Variants in PBX3 observed in about 807,000 individuals in gnomAD.
PBX3 encodes PBX homeobox 3.
PBX3 carries 14 observed loss-of-function variants against 48.5 expected under a neutral mutation model. The observed-to-expected ratio is 0.29, with a 90% CI of 0.19 to 0.45. The LOEUF (loss-of-function observed/expected upper bound fraction) is 0.45, where lower values mean the gene tolerates loss of function less well. PBX3 is among the 20% of genes least tolerant of loss of function. The probability of loss-of-function intolerance (pLI) is 1.00; values close to 1 mark genes in which losing one functional copy is unlikely to be tolerated. For missense variants in PBX3, 386 were observed against 546.7 expected, an observed-to-expected ratio of 0.71 and a Z score of 2.93; for synonymous variants, 210 against 200.3, an observed-to-expected ratio of 1.05 and a Z score of -0.41.
chr9:125,935,797 C>T (rs938773316), intron 5 of PBX3, among the ~76,000 whole-genome samples, 190 bp downstream of exon 5: 2 of 152,102 alleles, frequency 1.3e-5, no homozygotes, highest in African/African-American at 2.4e-5. Flanking sequence ...CTGTAAGTGG[C>T]GAAGAATCAA....
At position 125,789,746 on chromosome 9, in the gene PBX3, A is replaced by G. The variant is rs138343800; in HGVS notation, c.274+41123A>G. 1.4e-3 allele frequency among the ~76,000 whole-genome samples: 215 copies of G among 152,248 alleles called. 2 individuals are homozygous for G. The highest frequency in any genetic ancestry group is 4.7e-3 in the African/African-American group (194 of 41,538). On this transcript the variant is annotated intron_variant, in intron 2 of 8. Coordinates refer to ENST00000373489, the MANE Select transcript of PBX3 (RefSeq NM_006195.6). ...ATTGGAGCCTTCTTAGAGGCTGCCT[A>G]CCACTCTGGGTGAAAGGGTATACAT...
In PBX3 at chr9:125,848,729, G is replaced by A. The variant is rs1224817774; in HGVS notation, c.275-66957G>A. Among the ~76,000 whole-genome samples, 3 of 151,918 alleles carry A rather than the reference G, an allele frequency of 2.0e-5. No homozygotes were observed. In the East Asian group the frequency reaches 5.8e-4, roughly 29 times the overall value. On this transcript the variant is annotated intron_variant, in intron 2 of 8. Transcript: ENST00000373489. ...ATATTTTCTGGGTATTGTTCTAGAC[G>A]GTAGAGATACAGTATTGAATAAAAG...
chr9:125,764,991 A>G (rs997337935), intron 2 of PBX3, among the ~76,000 whole-genome samples: 2 of 152,158 alleles, frequency 1.3e-5, no homozygotes, highest in Non-Finnish European at 2.9e-5. Context: ...AATCCAATCA[A>G]TAAAATTAAA....
At chr9:125,884,231 G>A (rs1183735495) in intron 2 of PBX3, among the ~76,000 whole-genome samples, 1 of 152,194 alleles carries the variant, frequency 6.6e-6, no homozygotes, top group Non-Finnish European at 1.5e-5. Flanking sequence ...GGTAGGACAA[G>A]AGTGCTCTGC....
chr9:125,815,051 G>A (rs1397721615), intron 2 of PBX3, among the ~76,000 whole-genome samples: 1 of 152,030 alleles, frequency 6.6e-6, no homozygotes, highest in Non-Finnish European at 1.5e-5. Flanking sequence ...TTACTTGTAT[G>A]CTTAGGAAGA....
chr9:125,788,441 C>T (rs937048989), intron 2 of PBX3, among the ~76,000 whole-genome samples: 8 of 152,182 alleles, frequency 5.3e-5, no homozygotes, highest in Non-Finnish European at 8.8e-5. Flanking sequence ...CTTCTACTTA[C>T]ATTTATCTAT....
intron 8 of PBX3, 150 bp from the exon 9 acceptor site, chr9:125,965,681 A>T: frequency 1.5e-6 from 1 of 654,814 alleles, no homozygotes; most frequent in Non-Finnish European, 2.8e-6. Flanking sequence ...ATCCCACTTT[A>T]ACACATGCTG....
chr9:125,809,038 G>A (rs1249745533), intron 2 of PBX3, among the ~76,000 whole-genome samples: 1 of 152,068 alleles, frequency 6.6e-6, no homozygotes, highest in African/African-American at 2.4e-5. Context: ...CTGTTCTTGA[G>A]TGCCATTTTA....
At chr9:125,780,029 C>A (rs1283874406) in intron 2 of PBX3, among the ~76,000 whole-genome samples, 2 of 141,160 alleles carry the variant, frequency 1.4e-5, no homozygotes, top group Admixed American at 6.9e-5. Context: ...AGGCGCCCCT[C>A]ACCTCCCGGA....
intron 5 of PBX3, among the ~76,000 whole-genome samples, chr9:125,952,991 T>TA (rs538418159): frequency 6.7e-4 from 95 of 142,054 alleles, no homozygotes; most frequent in African/African-American, 1.6e-3. Context: ...TTTACCAAAA[T>TA]AAAAAAAAAA....
At chr9:125,835,330 C>A (rs1284012908) in intron 2 of PBX3, among the ~76,000 whole-genome samples, 1 of 152,092 alleles carries the variant, frequency 6.6e-6, no homozygotes, top group African/African-American at 2.4e-5. Context: ...GGATGCACAG[C>A]TCCAAGTGAG....
intron 5 of PBX3, among the ~76,000 whole-genome samples, chr9:125,959,486 G>GCTCTCTGC (rs1396555484): frequency 6.6e-6 from 1 of 152,242 alleles, no homozygotes; most frequent in Non-Finnish European, 1.5e-5. Context: ...CCTTGCCAGG[G>GCTCTCTGC]CTCTCTGCTC....
chr9:125,964,996 G>T (rs968368788), intron 8 of PBX3, among the ~76,000 whole-genome samples: 1 of 152,214 alleles, frequency 6.6e-6, no homozygotes, highest in African/African-American at 2.4e-5. Context: ...TCTCCAGAAA[G>T]GCCTGCCCCA....
chr9:125,866,636 G>A (rs188809638), intron 2 of PBX3, among the ~76,000 whole-genome samples: 17 of 152,280 alleles, frequency 1.1e-4, no homozygotes, highest in African/African-American at 2.4e-4. Flanking sequence ...GTATGTGTCC[G>A]GGGAGGTTTA....
intron 5 of PBX3, among the ~76,000 whole-genome samples, chr9:125,959,268 C>T (rs1842374919): frequency 6.6e-6 from 1 of 152,236 alleles, no homozygotes; most frequent in Non-Finnish European, 1.5e-5. Flanking sequence ...AGAACAGAAA[C>T]AGCTAGGAAG....
chr9:125,956,906 C>G (rs889533717), intron 5 of PBX3, among the ~76,000 whole-genome samples: 8 of 152,194 alleles, frequency 5.3e-5, no homozygotes, highest in African/African-American at 1.9e-4. Flanking sequence ...GCAGCCTGGC[C>G]CCACTGTGAG....
chr9:125,863,925 C>G (rs1839921380), intron 2 of PBX3, among the ~76,000 whole-genome samples: 1 of 152,004 alleles, frequency 6.6e-6, no homozygotes, highest in Non-Finnish European at 1.5e-5. Flanking sequence ...TTGAGAAGCC[C>G]CTGTCTCCTT....
intron 5 of PBX3, among the ~76,000 whole-genome samples, chr9:125,939,998 A>G (rs1364429253): frequency 6.6e-6 from 1 of 152,170 alleles, no homozygotes; most frequent in East Asian, 1.9e-4. Flanking sequence ...CCTGACCAAC[A>G]TGGAGAAACC....
At chr9:125,907,645 G>T (rs1841106362) in intron 2 of PBX3, among the ~76,000 whole-genome samples, 1 of 151,984 alleles carries the variant, frequency 6.6e-6, no homozygotes, top group Non-Finnish European at 1.5e-5. Flanking sequence ...TGGTTAATAA[G>T]TGATAGTTAG....
Sources: gnomAD v4.1 joint callset for allele counts (sites outside exome capture counted in the v4.1 genomes callset) on GRCh38, gnomAD v4.1.1 for gene constraint, MANE v1.5 for transcripts, NCBI Gene and HGNC (gene_info 2026-07-23, HGNC 2026-07-21) for gene names.